HERC2: variants seen among roughly 807,000 people sequenced by gnomAD.
The protein encoded by HERC2 is HECT and RLD domain containing E3 ubiquitin protein ligase 2, also known as E3 ubiquitin-protein ligase HERC2.
HERC2 carries 102 observed loss-of-function variants against 537.7 expected under a neutral mutation model. The ratio of observed to expected loss-of-function variants is 0.19; its 90% CI spans 0.16 to 0.22. HERC2 has a LOEUF of 0.22. HERC2 is among the 10% of genes least tolerant of loss of function. HERC2 has a pLI of 1.00. For missense variants in HERC2, 4,236 were observed against 6,198.2 expected (o/e 0.68, Z 10.63); for synonymous variants, 2,224 against 2,466.2 (o/e 0.90, Z 2.91).
chr15:28,140,741 C>CATAG (rs1891136418), intron 78 of HERC2, among the ~76,000 whole-genome samples: 1 of 150,772 alleles, frequency 6.6e-6, no homozygotes, highest in African/African-American at 2.4e-5. Flanking sequence ...AGGCTGGTCT[C>CATAG]GAACTCCTGA....
At chr15:28,201,435 C>T (rs1211273262) in intron 48 of HERC2, 21 bp downstream of exon 48, 2 of 1,435,036 alleles carry the variant, frequency 1.4e-6, no homozygotes, top group Non-Finnish European at 2.0e-6. Context: ...ATCGAGGCTC[C>T]AGCTTAAGAC....
At chr15:28,296,300 T>C (rs1038586805) in intron 3 of HERC2, among the ~76,000 whole-genome samples, 1 of 151,898 alleles carries the variant, frequency 6.6e-6, no homozygotes, top group Non-Finnish European at 1.5e-5. Flanking sequence ...ATGGTGAAAC[T>C]CCATCTTTAT....
Position 28,268,072 on chromosome 15 carries a change from T to C in HERC2, c.1598+393A>G, listed in dbSNP as rs1311439306. 1.3e-5 allele frequency among the ~76,000 whole-genome samples: 2 copies of C among 152,206 alleles called. No homozygotes were observed. Among genetic ancestry groups the C allele is most frequent in the Non-Finnish European group, 2.9e-5 (2 of 68,036 alleles). On this transcript the variant is annotated intron_variant, in intron 12 of 92. Coordinates refer to ENST00000261609, the MANE Select transcript of HERC2 (RefSeq NM_004667.6). This position sits in a 1 kb window ranked among gnomAD's most constrained non-coding sequence, Gnocchi z 4.7. Reference sequence around the variant, plus strand: ...ATAATATTAGGAAGAAACTGCTGACTTTTGTTCCTGTAAAAATAATATATG... The same window carrying C: ...ATAATATTAGGAAGAAACTGCTGACCTTTGTTCCTGTAAAAATAATATATG...
At chr15:28,294,372 C>G (rs554778447) in intron 3 of HERC2, among the ~76,000 whole-genome samples, 3 of 150,238 alleles carry the variant, frequency 2.0e-5, no homozygotes, top group Admixed American at 6.7e-5. Flanking sequence ...GAAGCCATGA[C>G]GAGGCACATC....
In HERC2 at chr15:28,238,712, G is replaced by A. The variant is rs1902721221; in HGVS notation, c.3638C>T (p.Ala1213Val). 6.2e-7 allele frequency: 1 copy of A among 1,611,306 alleles called. No individual in the cohort carries two copies. The highest frequency in any genetic ancestry group is 8.5e-7 in the Non-Finnish European group (1 of 1,179,262). ...ATCTTTATTATGGTTCTCCAAATCA[G>A]CTTTGCGTATAAGTGTCACTTCCTC... Reference protein sequence around the residue: ...NNEEVTLIRKADLENHNKDGG... With the variant: ...NNEEVTLIRKVDLENHNKDGG... Residue 1213 changes from alanine to valine, a missense_variant, in exon 24 of 93, where the codon GCT becomes GTT. This residue lies in a region of HERC2 where 754 missense variants were observed against 1,085.0 expected (regional missense o/e 0.69). Transcript: ENST00000261609.
intron 86 of HERC2, among the ~76,000 whole-genome samples, chr15:28,120,110 T>C (rs1019841371): frequency 1.9e-4 from 29 of 152,344 alleles, no homozygotes; most frequent in African/African-American, 6.7e-4. Flanking sequence ...ATAATGTTTA[T>C]GATGCACAGC....
chr15:28,225,297 C>T (rs1209118407), intron 35 of HERC2, among the ~76,000 whole-genome samples: 5 of 151,478 alleles, frequency 3.3e-5, no homozygotes, highest in Admixed American at 6.6e-5. Context: ...AAGAAGGAAA[C>T]GATAGAGATT....
chr15:28,191,841 G>T (rs191771746), intron 53 of HERC2, 120 bp downstream of exon 53: 54 of 697,526 alleles, frequency 7.7e-5, no homozygotes, highest in African/African-American at 7.7e-4. Context: ...AAAACATAAC[G>T]TGAGTACTGA....
intron 78 of HERC2, among the ~76,000 whole-genome samples, chr15:28,139,345 G>A (rs7402990): frequency 0.089 from 13,502 of 152,204 alleles, 1,019 homozygotes; most frequent in East Asian, 0.29. Context: ...CCTTGCTCTC[G>A]CTGACAGAGT....
At chr15:28,156,359 G>T (rs1178312576) in intron 69 of HERC2, among the ~76,000 whole-genome samples, 1 of 152,104 alleles carries the variant, frequency 6.6e-6, no homozygotes, top group African/African-American at 2.4e-5. Context: ...TGGGCAGTAT[G>T]GCCATTTTCA....
chr15:28,292,981 T>C lies in HERC2; in HGVS notation c.229A>G (p.Asn77Asp), dbSNP rs1248436696. 6.2e-7 allele frequency: 1 copy of C among 1,611,222 alleles called. No individual in the cohort carries two copies. The highest frequency in any genetic ancestry group is 8.5e-7 in the Non-Finnish European group (1 of 1,179,582). Residue 77 changes from asparagine (N) to aspartate (D), a missense_variant, in exon 4 of 93, where the codon AAT becomes GAT. Transcript: ENST00000261609. ...EPSGTKKEDL[N>D]DKEKKDEEET... ...TCTTCATCTTTTTTCTCTTTGTCAT[T>C]CAGATCTTCTTTCTTTGTTCCACTT...
chr15:28,228,120 A>G (rs941882528), intron 35 of HERC2, 98 bp downstream of exon 35: 17 of 1,078,914 alleles, frequency 1.6e-5, no homozygotes, highest in Non-Finnish European at 2.3e-5. Context: ...CATAATTTAC[A>G]AAAAGCTTTA....
At chr15:28,121,508 T>C (rs374075870) in intron 85 of HERC2, 79 bp from the exon 86 acceptor site, 15 of 1,224,500 alleles carry the variant, frequency 1.2e-5, no homozygotes, top group African/African-American at 1.0e-4. Flanking sequence ...CATAGTTTTG[T>C]TTAAAATCTG....
At chr15:28,283,483 G>C (rs1476034405) in intron 4 of HERC2, among the ~76,000 whole-genome samples, 15 of 152,162 alleles carry the variant, frequency 9.9e-5, no homozygotes, top group Non-Finnish European at 1.5e-4. Flanking sequence ...GAAAAGGAAA[G>C]CAAAACATTC....
chr15:28,151,788 C>T (rs1892481815), intron 70 of HERC2, among the ~76,000 whole-genome samples: 1 of 151,546 alleles, frequency 6.6e-6, no homozygotes, highest in African/African-American at 2.4e-5. Context: ...AAACAGGTCA[C>T]CTTCAAGAAA....
Position 28,191,006 on chromosome 15 carries a change from G to T in HERC2, c.8608C>A (p.Pro2870Thr). 1 of 1,612,776 alleles carries T rather than the reference G, an allele frequency of 6.2e-7. No individual in the cohort carries two copies. Among genetic ancestry groups the T allele is most frequent in the Non-Finnish European group, 8.5e-7 (1 of 1,178,882 alleles). Residue 2870 changes from proline to threonine, a missense_variant, in exon 55 of 93, where the codon CCT becomes ACT. Around this residue, in one of 27 missense-constraint regions of HERC2, gnomAD observed 606 missense variants for 884.5 expected, o/e 0.69. Coordinates refer to ENST00000261609, the MANE Select transcript of HERC2 (RefSeq NM_004667.6). ...AGAAGGGGCACTGTGGTGTCAGAAG[G>T]GTTAATATTGATTGTCTTTAGTTCA... ...LIELKTININ[P>T]SDTTVPLLND...
chr15:28,133,134 G>A lies in HERC2; in HGVS notation c.12231-304C>T, dbSNP rs530492096. On this transcript the variant is annotated intron_variant, in intron 79 of 92. Coordinates refer to ENST00000261609, the MANE Select transcript of HERC2 (RefSeq NM_004667.6). ...CTGAGAACAGGTTTTACATTTTAAC[G>A]GGTTTAAAAAAAAAAAAAAAGAATC... is the stretch of plus-strand genomic sequence containing the variant. 1.4e-3 allele frequency among the ~76,000 whole-genome samples: 214 copies of A among 148,926 alleles called. 1 individual carries two copies. Among genetic ancestry groups the A allele is most frequent in the Non-Finnish European group, 1.4e-3 (94 of 67,674 alleles).
intron 43 of HERC2, 93 bp downstream of exon 43, chr15:28,212,352 A>C (rs1023836819): frequency 1.3e-6 from 1 of 771,272 alleles, no homozygotes; most frequent in African/African-American, 1.7e-5. Context: ...CCAGGACTTT[A>C]GTACGTCCGT....
chr15:28,219,032 G>C (rs898457699), intron 37 of HERC2, among the ~76,000 whole-genome samples: 1 of 152,134 alleles, frequency 6.6e-6, no homozygotes, highest in Non-Finnish European at 1.5e-5. Context: ...TGCACTAAAC[G>C]TGCACCCTGA....
Sources: gnomAD v4.1 joint callset for allele counts (sites outside exome capture counted in the v4.1 genomes callset) on GRCh38, gnomAD v4.1.1 for gene constraint, gnomAD v4.1.1 regional missense constraint, Gnocchi (gnomAD v3.1) non-coding constraint, MANE v1.5 for transcripts, NCBI Gene and HGNC (gene_info 2026-07-23, HGNC 2026-07-21) for gene names.